HDAC9: variants seen among roughly 807,000 people sequenced by gnomAD.
The protein encoded by HDAC9 is histone deacetylase 9.
Under a neutral mutation model 139.4 loss-of-function variants are expected in HDAC9, and 41 were observed. The observed-to-expected ratio is 0.29, with a 90% CI of 0.23 to 0.38. The LOEUF (loss-of-function observed/expected upper bound fraction) is 0.38, where lower values mean the gene tolerates loss of function less well. Ranked by LOEUF, HDAC9 falls within the 10% of genes least tolerant of loss-of-function variation. The pLI is 1.00. For synonymous variants in HDAC9, 517 were observed against 476.2 expected, an observed-to-expected ratio of 1.09 and a Z score of -1.12; for missense variants, 1,147 against 1,297.0, an observed-to-expected ratio of 0.88 and a Z score of 1.78.
intron 17 of HDAC9, among the ~76,000 whole-genome samples, chr7:18,810,737 A>C (rs1347349958): frequency 6.6e-6 from 1 of 151,840 alleles, no homozygotes; most frequent in African/African-American, 2.4e-5. Context: ...ATTTGTTCCT[A>C]TTATAGAACT....
intron 1 of HDAC9, among the ~76,000 whole-genome samples, chr7:18,143,937 C>T (rs1033523161): frequency 1.3e-5 from 2 of 152,002 alleles, no homozygotes; most frequent in Middle Eastern, 6.4e-3. Flanking sequence ...AGAAAAAAAG[C>T]CTAAATCGAC....
chr7:18,325,207 C>T (rs1053468142), intron 1 of HDAC9, among the ~76,000 whole-genome samples: 4 of 152,096 alleles, frequency 2.6e-5, no homozygotes, highest in Non-Finnish European at 5.9e-5. Flanking sequence ...TTAAGATAAG[C>T]ATGTGAATAT....
chr7:18,280,767 A>AG (rs933809011), intron 2 of HDAC9, among the ~76,000 whole-genome samples: 1 of 151,374 alleles, frequency 6.6e-6, no homozygotes, highest in African/African-American at 2.4e-5. Context: ...TGTCTCAAAA[A>AG]AAATAAATAA....
intron 12 of HDAC9, among the ~76,000 whole-genome samples, chr7:18,679,393 T>C (rs1781736697): frequency 6.6e-6 from 1 of 151,978 alleles, no homozygotes; most frequent in Non-Finnish European, 1.5e-5. Context: ...TTAAACTATG[T>C]GAAAACAATA....
chr7:18,975,436 G>A (rs1176661432), intron 24 of HDAC9, among the ~76,000 whole-genome samples: 2 of 152,138 alleles, frequency 1.3e-5, no homozygotes, highest in African/African-American at 2.4e-5. Context: ...TTCCATTCAT[G>A]TTCTCTGTAA....
At chr7:18,579,441 C>T (rs543557339) in intron 2 of HDAC9, among the ~76,000 whole-genome samples, 20 of 152,198 alleles carry the variant, frequency 1.3e-4, no homozygotes, top group Admixed American at 3.9e-4. Flanking sequence ...AAGGCAGCCT[C>T]TTCCCATGGA....
At chr7:18,743,868 T>C (rs1444525886) in intron 13 of HDAC9, among the ~76,000 whole-genome samples, 1 of 151,940 alleles carries the variant, frequency 6.6e-6, no homozygotes, top group Non-Finnish European at 1.5e-5. Context: ...TTATCTTTTT[T>C]AGTAATTCTA....
chr7:18,637,820 T>C (rs549163555), intron 8 of HDAC9, among the ~76,000 whole-genome samples: 2 of 152,052 alleles, frequency 1.3e-5, no homozygotes, highest in Non-Finnish European at 2.9e-5. Context: ...GTGTAATTCA[T>C]TCTCGATAGG....
intron 12 of HDAC9, among the ~76,000 whole-genome samples, chr7:18,687,560 G>T (rs1401666575): frequency 6.6e-6 from 1 of 151,718 alleles, no homozygotes; most frequent in Non-Finnish European, 1.5e-5. Context: ...ACATCTCCGG[G>T]TATAGTAGTA....
At chr7:18,110,948 A>G (rs1584104296) in intron 1 of HDAC9, among the ~76,000 whole-genome samples, 1 of 152,160 alleles carries the variant, frequency 6.6e-6, no homozygotes, top group African/African-American at 2.4e-5. Flanking sequence ...GTGTAATTAG[A>G]ATTCAGGAGA....
At chr7:18,401,098 A>T (rs933257256) in intron 1 of HDAC9, among the ~76,000 whole-genome samples, 12 of 152,178 alleles carry the variant, frequency 7.9e-5, no homozygotes, top group African/African-American at 2.9e-4. Context: ...CATTACTTTT[A>T]ATCATTTTGG....
intron 2 of HDAC9, among the ~76,000 whole-genome samples, chr7:18,257,536 A>G (rs1367903905): frequency 1.9e-4 from 29 of 152,134 alleles, no homozygotes. Context: ...AATGACCCAC[A>G]TACTTGTCTC....
intron 17 of HDAC9, among the ~76,000 whole-genome samples, chr7:18,795,821 T>C (rs943075658): frequency 2.0e-5 from 3 of 152,164 alleles, no homozygotes; most frequent in African/African-American, 7.2e-5. Context: ...AACTACCCAG[T>C]GCCTACGTGT....
chr7:18,433,166 C>CA (rs1291021625), intron 1 of HDAC9, among the ~76,000 whole-genome samples: 3 of 152,006 alleles, frequency 2.0e-5, no homozygotes, highest in Admixed American at 1.3e-4. Flanking sequence ...TCAATAGATG[C>CA]AAAAAAGGCT....
intron 2 of HDAC9, among the ~76,000 whole-genome samples, chr7:18,172,661 C>T (rs1232895683): frequency 2.0e-5 from 3 of 152,180 alleles, no homozygotes; most frequent in Non-Finnish European, 4.4e-5. Context: ...TCTTTGTTCT[C>T]ACTGGTTTCA....
intron 21 of HDAC9, among the ~76,000 whole-genome samples, chr7:18,841,452 C>T (rs12536836): frequency 0.48 from 73,139 of 151,848 alleles, 18,517 homozygotes; most frequent in African/African-American, 0.66. Context: ...GCTAGTTGTT[C>T]ATTTTTTTAA....
chr7:18,504,765 C>A (rs144522311), intron 2 of HDAC9, among the ~76,000 whole-genome samples: 1 of 152,214 alleles, frequency 6.6e-6, no homozygotes, highest in East Asian at 1.9e-4. Context: ...GTAGTTGTTG[C>A]AGCAATATTG....
chr7:18,956,723 C>T (rs1434880393), intron 24 of HDAC9, among the ~76,000 whole-genome samples: 1 of 152,134 alleles, frequency 6.6e-6, no homozygotes, highest in Non-Finnish European at 1.5e-5. Context: ...GGAAGTTCAA[C>T]TTAGCTCCAA....
At chr7:18,614,193 C>T (rs537215967) in intron 6 of HDAC9, among the ~76,000 whole-genome samples, 5 of 152,160 alleles carry the variant, frequency 3.3e-5, no homozygotes, top group African/African-American at 1.2e-4. Flanking sequence ...GATCTAACTC[C>T]ACATCTCTAA....
Sources: gnomAD v4.1 joint callset for allele counts (sites outside exome capture counted in the v4.1 genomes callset) on GRCh38, gnomAD v4.1.1 for gene constraint, MANE v1.5 for transcripts, NCBI Gene and HGNC (gene_info 2026-07-23, HGNC 2026-07-21) for gene names.